ZDHHC14: variants seen among roughly 807,000 people sequenced by gnomAD.
ZDHHC14 encodes zDHHC palmitoyltransferase 14.
A neutral mutation model predicts 47.7 loss-of-function variants in ZDHHC14; 16 were observed. That is an observed-to-expected ratio of 0.34 (90% CI 0.23 to 0.51). The LOEUF is 0.51. ZDHHC14 is among the 20% of genes least tolerant of loss of function. The pLI is 0.97. For missense variants in ZDHHC14, 515 were observed against 662.5 expected (o/e 0.78, Z 2.44); for synonymous variants, 293 against 278.9 (o/e 1.05, Z -0.50).
chr6:157,507,740 C>T (rs1405709248), intron 1 of ZDHHC14, among the ~76,000 whole-genome samples: 1 of 152,180 alleles, frequency 6.6e-6, no homozygotes, highest in Non-Finnish European at 1.5e-5. Flanking sequence ...TCCAGAGTCT[C>T]CCGTCATGAT....
chr6:157,666,738 C>T (rs1407368395), intron 8 of ZDHHC14, among the ~76,000 whole-genome samples: 1 of 152,126 alleles, frequency 6.6e-6, no homozygotes, highest in Non-Finnish European at 1.5e-5. Context: ...TCAGACAAGA[C>T]GTCAGCTAGG....
intron 1 of ZDHHC14, among the ~76,000 whole-genome samples, chr6:157,475,381 AT>A (rs563264197): frequency 6.6e-5 from 10 of 150,926 alleles, no homozygotes; most frequent in South Asian, 2.1e-4. Flanking sequence ...GGATCTTAGG[AT>A]TTTTTTTTCT....
intron 1 of ZDHHC14, among the ~76,000 whole-genome samples, chr6:157,447,500 G>A (rs1778704559): frequency 6.6e-6 from 1 of 152,210 alleles, no homozygotes; most frequent in South Asian, 2.1e-4. Context: ...GGGAGGGTCG[G>A]GGACTGTATG....
chr6:157,406,414 C>A (rs1777764824), intron 1 of ZDHHC14, among the ~76,000 whole-genome samples: 1 of 152,290 alleles, frequency 6.6e-6, no homozygotes, highest in Non-Finnish European at 1.5e-5. Flanking sequence ...TTGAATCGTA[C>A]CTTTGGTTGA....
At chr6:157,642,705 C>T (rs1201110490) in intron 5 of ZDHHC14, among the ~76,000 whole-genome samples, 1 of 152,188 alleles carries the variant, frequency 6.6e-6, no homozygotes, top group Admixed American at 6.5e-5. Context: ...TGTTTCCTCT[C>T]CTTTCTCTTT....
At chr6:157,653,772 C>T in intron 8 of ZDHHC14, 145 bp downstream of exon 8, 1 of 707,410 alleles carries the variant, frequency 1.4e-6, no homozygotes, top group Non-Finnish European at 2.3e-6. Flanking sequence ...TGCGCTCAGA[C>T]AGGAGGCAAG....
At chr6:157,630,021 T>C (rs546842688) in intron 4 of ZDHHC14, 1 of 152,350 alleles carries the variant, frequency 6.6e-6, no homozygotes, top group East Asian at 1.9e-4. Flanking sequence ...GGAGTGTCGC[T>C]CTGTTGCCTC....
At chr6:157,504,915 A>T (rs1287506494) in intron 1 of ZDHHC14, among the ~76,000 whole-genome samples, 1 of 151,902 alleles carries the variant, frequency 6.6e-6, no homozygotes, top group Non-Finnish European at 1.5e-5. Flanking sequence ...GGTTCAAGCG[A>T]TTCTGCTGCC....
intron 3 of ZDHHC14, among the ~76,000 whole-genome samples, chr6:157,624,361 CTT>C (rs1785320020): frequency 6.6e-6 from 1 of 152,210 alleles, no homozygotes; most frequent in East Asian, 1.9e-4. Flanking sequence ...TGTTCTCATC[CTT>C]GACCTGAAAA....
At chr6:157,457,184 A>C (rs1381780384) in intron 1 of ZDHHC14, among the ~76,000 whole-genome samples, 15 of 151,200 alleles carry the variant, frequency 9.9e-5, no homozygotes, top group Non-Finnish European at 1.3e-4. Flanking sequence ...AAAAAAAAAA[A>C]AAAAAAAAGA....
intron 1 of ZDHHC14, among the ~76,000 whole-genome samples, chr6:157,515,034 A>G (rs1185795396): frequency 6.6e-6 from 1 of 152,210 alleles, no homozygotes; most frequent in Non-Finnish European, 1.5e-5. Context: ...AACATTTTGT[A>G]AAGGCCAGAA....
intron 2 of ZDHHC14, 35 bp from the exon 3 acceptor site, chr6:157,592,953 G>A: frequency 6.3e-7 from 1 of 1,587,196 alleles, no homozygotes; most frequent in South Asian, 1.2e-5. Context: ...GGGAGGCTCT[G>A]AAGGTGTGCG....
intron 7 of ZDHHC14, among the ~76,000 whole-genome samples, chr6:157,650,252 G>A (rs1276455718): frequency 6.6e-6 from 1 of 152,228 alleles, no homozygotes; most frequent in Non-Finnish European, 1.5e-5. Context: ...GGAGGAAGCG[G>A]TGGGGAGGAG....
At chr6:157,621,353 T>A (rs1193956967) in intron 3 of ZDHHC14, among the ~76,000 whole-genome samples, 1 of 151,694 alleles carries the variant, frequency 6.6e-6, no homozygotes, top group African/African-American at 2.4e-5. Context: ...AAAAAAGCCC[T>A]ACGTTTAAAG....
At chr6:157,437,107 C>T in intron 1 of ZDHHC14, among the ~76,000 whole-genome samples, 1 of 152,158 alleles carries the variant, frequency 6.6e-6, no homozygotes, top group East Asian at 1.9e-4. Context: ...TGCAGGTCTA[C>T]ACAGTGCAGC....
chr6:157,555,367 G>A (rs1161359452), intron 2 of ZDHHC14, among the ~76,000 whole-genome samples: 4 of 152,200 alleles, frequency 2.6e-5, no homozygotes, highest in Admixed American at 6.5e-5. Flanking sequence ...GCAGCAGGAC[G>A]TCTGTCCTGT....
At chr6:157,459,277 C>T (rs140235673) in intron 1 of ZDHHC14, among the ~76,000 whole-genome samples, 32 of 152,174 alleles carry the variant, frequency 2.1e-4, no homozygotes, top group African/African-American at 6.7e-4. Context: ...GCTGTTCTGC[C>T]TAGATGACAG....
chr6:157,409,423 G>T (rs1777829084), intron 1 of ZDHHC14, among the ~76,000 whole-genome samples: 1 of 152,184 alleles, frequency 6.6e-6, no homozygotes, highest in African/African-American at 2.4e-5. Flanking sequence ...CAGTTAGCAT[G>T]CCTTCCCTCT....
At chr6:157,530,247 T>G (rs1167715216) in intron 1 of ZDHHC14, among the ~76,000 whole-genome samples, 3 of 152,206 alleles carry the variant, frequency 2.0e-5, no homozygotes, top group Non-Finnish European at 4.4e-5. Context: ...TCTGGATCTG[T>G]TTGTTCTGAC....
Sources: allele counts gnomAD v4.1 joint callset (sites outside exome capture counted in the v4.1 genomes callset), GRCh38; gene constraint gnomAD v4.1.1; transcripts MANE v1.5; gene names NCBI Gene and HGNC (gene_info 2026-07-23, HGNC 2026-07-21).